Variants in GRIP1 observed in about 807,000 individuals in gnomAD.
The protein encoded by GRIP1 is glutamate receptor-interacting protein 1.
GRIP1 carries 45 observed loss-of-function variants against 129.9 expected under a neutral mutation model. That is an observed-to-expected ratio of 0.35 (90% CI 0.27 to 0.44). GRIP1 has a LOEUF of 0.44. GRIP1 is among the 20% of genes least tolerant of loss of function. The pLI is 1.00. For missense variants in GRIP1, 1,196 were observed against 1,396.8 expected (o/e 0.86, Z 2.29); for synonymous variants, 530 against 520.8 (o/e 1.02, Z -0.24).
At chr12:66,486,518 T>C (rs1297774857) in intron 7 of GRIP1, among the ~76,000 whole-genome samples, 2 of 152,274 alleles carry the variant, frequency 1.3e-5, no homozygotes, top group East Asian at 3.9e-4. Context: ...CGTACTATTC[T>C]CATGGTAATG....
At chr12:67,061,901 A>G (rs1281820352) in intron 1 of GRIP1, among the ~76,000 whole-genome samples, 1 of 151,948 alleles carries the variant, frequency 6.6e-6, no homozygotes, top group African/African-American at 2.4e-5. Context: ...TAGAAAAAAC[A>G]CCAGGCTCTG....
intron 1 of GRIP1, among the ~76,000 whole-genome samples, chr12:66,729,783 C>T (rs142715899): frequency 0.044 from 6,713 of 152,142 alleles, 192 homozygotes; most frequent in Middle Eastern, 0.12. Context: ...CCCGTGTTAG[C>T]CAGCATGGTC....
At chr12:66,451,383 G>GTTTGTTTTTTTTTTTTT (rs2058794233) in intron 11 of GRIP1, among the ~76,000 whole-genome samples, 2 of 42,650 alleles carry the variant, frequency 4.7e-5, no homozygotes, top group Non-Finnish European at 4.2e-5. Context: ...ATTATAATCT[G>GTTTGTTTTTTTTTTTTT]TTTTTTTTTT....
At chr12:66,498,031 C>A (rs1415809896) in intron 7 of GRIP1, among the ~76,000 whole-genome samples, 1 of 152,158 alleles carries the variant, frequency 6.6e-6, no homozygotes, top group Non-Finnish European at 1.5e-5. Context: ...GCGACCCCCA[C>A]TCCTGCCCGC....
chr12:66,772,678 C>T (rs2037856245), intron 1 of GRIP1, among the ~76,000 whole-genome samples: 2 of 152,126 alleles, frequency 1.3e-5, no homozygotes, highest in South Asian at 4.1e-4. Flanking sequence ...GTGTTACCCC[C>T]AACATCTAGG....
intron 1 of GRIP1, among the ~76,000 whole-genome samples, chr12:66,743,432 G>A (rs144565943): frequency 2.6e-4 from 40 of 152,238 alleles, no homozygotes; most frequent in African/African-American, 6.7e-4. Context: ...GGGTCATGAG[G>A]AGGAACCCTT....
intron 1 of GRIP1, among the ~76,000 whole-genome samples, chr12:66,890,287 G>A (rs1179520829): frequency 6.6e-6 from 1 of 152,108 alleles, no homozygotes; most frequent in Non-Finnish European, 1.5e-5. Flanking sequence ...GTAAATTTCC[G>A]ATCCAGGTCA....
At chr12:66,559,564 G>A (rs1197135308) in intron 2 of GRIP1, among the ~76,000 whole-genome samples, 2 of 152,032 alleles carry the variant, frequency 1.3e-5, no homozygotes, top group Non-Finnish European at 2.9e-5. Flanking sequence ...AATTTAAAAA[G>A]TAATTCCATT....
intron 23 of GRIP1, among the ~76,000 whole-genome samples, chr12:66,361,695 C>G (rs1024426665): frequency 1.3e-5 from 2 of 152,218 alleles, no homozygotes; most frequent in Non-Finnish European, 2.9e-5. Flanking sequence ...TGTCTTTGCT[C>G]AGGCCTGCCT....
intron 1 of GRIP1, among the ~76,000 whole-genome samples, chr12:66,975,829 A>G (rs2042142862): frequency 6.6e-6 from 1 of 152,202 alleles, no homozygotes; most frequent in African/African-American, 2.4e-5. Context: ...GTCAATGGAC[A>G]CAGATGAATG....
chr12:66,648,056 C>T (rs1273849762), intron 1 of GRIP1, among the ~76,000 whole-genome samples: 5 of 152,128 alleles, frequency 3.3e-5, no homozygotes, highest in Non-Finnish European at 7.3e-5. Flanking sequence ...CTAAAAGCTG[C>T]TTCCCTCCAC....
chr12:66,461,934 T>C (rs2059148596), intron 9 of GRIP1, among the ~76,000 whole-genome samples: 1 of 152,128 alleles, frequency 6.6e-6, no homozygotes, highest in Admixed American at 6.5e-5. Flanking sequence ...AGGAATGGTG[T>C]TTGCTTTAAG....
intron 1 of GRIP1, among the ~76,000 whole-genome samples, chr12:67,066,361 C>A (rs1226930235): frequency 2.0e-5 from 3 of 152,050 alleles, no homozygotes. Context: ...AATATGCGGT[C>A]CTCAAAGAAG....
intron 1 of GRIP1, among the ~76,000 whole-genome samples, chr12:66,616,367 T>C (rs962399498): frequency 1.3e-5 from 2 of 152,202 alleles, no homozygotes; most frequent in African/African-American, 2.4e-5. Flanking sequence ...TTTATAATTA[T>C]AGGCTGTTTA....
chr12:66,835,510 C>T (rs2039597576), intron 1 of GRIP1, among the ~76,000 whole-genome samples: 1 of 152,128 alleles, frequency 6.6e-6, no homozygotes, highest in African/African-American at 2.4e-5. Context: ...CAAGATGCCC[C>T]TCAGAAGGTG....
At chr12:66,732,833 C>G (rs1030510330) in intron 1 of GRIP1, among the ~76,000 whole-genome samples, 8 of 152,126 alleles carry the variant, frequency 5.3e-5, no homozygotes, top group African/African-American at 1.9e-4. Context: ...GTCAGTGCCC[C>G]TAATCCCCAC....
chr12:66,723,214 CTTTCTTTCTTTCTCTCTCTCTCTCT>C lies in GRIP1; in HGVS notation c.-420+80814_-420+80838del, dbSNP rs1565987623. Among the ~76,000 whole-genome samples the C allele has an allele frequency of 1.6e-3, 80 of 49,704 alleles. 2 individuals carry two copies. Among genetic ancestry groups the C allele is most frequent in the African/African-American group, 8.2e-3 (73 of 8,950 alleles). The allele number at this position is 49,704 out of a possible 152,430, so 32.6% of individuals were successfully genotyped here. On this transcript the variant is annotated intron_variant, in intron 1 of 4. Coordinates refer to the GRIP1 transcript ENST00000538373. ...GTTTTTCATCTTCTTTTCTTTCTTT[CTTTCTTTCTTTCTCTCTCTCTCTCT>C]CTTCCTTCCTTCCTTCCTTCCTTCC... is the stretch of plus-strand genomic sequence containing the variant.
chr12:67,059,350 C>A (rs193033858), intron 1 of GRIP1, among the ~76,000 whole-genome samples: 2 of 152,270 alleles, frequency 1.3e-5, no homozygotes, highest in Non-Finnish European at 2.9e-5. Flanking sequence ...AGATGACATT[C>A]AAAGATCAAA....
At chr12:66,454,122 A>G (rs913755335) in intron 11 of GRIP1, among the ~76,000 whole-genome samples, 2 of 152,206 alleles carry the variant, frequency 1.3e-5, no homozygotes, top group African/African-American at 2.4e-5. Flanking sequence ...TATGCAATGG[A>G]GTTCACTGTA....
Sources: gnomAD v4.1 joint callset for allele counts (sites outside exome capture counted in the v4.1 genomes callset) on GRCh38, gnomAD v4.1.1 for gene constraint, MANE v1.5 for transcripts, NCBI Gene and HGNC (gene_info 2026-07-23, HGNC 2026-07-21) for gene names.